The following RORA variants were observed in gnomAD, a reference collection of about 807,000 sequenced individuals.
RORA encodes RAR related orphan receptor A, also known as nuclear receptor ROR-alpha.
A neutral mutation model predicts 69.5 loss-of-function variants in RORA; 7 were observed. That is an observed-to-expected ratio of 0.10 (90% CI 0.06 to 0.19). The LOEUF (loss-of-function observed/expected upper bound fraction) is 0.19. Among genes scored for constraint, RORA ranks in the 10% least tolerant of loss-of-function variants. The pLI, the probability that RORA is intolerant of heterozygous loss-of-function variation, is 1.00. For missense variants in RORA, 457 were observed against 663.0 expected, an observed-to-expected ratio of 0.69 and a Z score of 3.41; for synonymous variants, 261 against 240.8, an observed-to-expected ratio of 1.08 and a Z score of -0.78.
intron 1 of RORA, among the ~76,000 whole-genome samples, chr15:60,837,464 C>A (rs2073132924): frequency 6.6e-6 from 1 of 152,212 alleles, no homozygotes; most frequent in Non-Finnish European, 1.5e-5. Context: ...ACACTGCCAA[C>A]CTCACCCCTC....
chr15:60,946,930 G>T (rs919836843), intron 1 of RORA, among the ~76,000 whole-genome samples: 1 of 151,944 alleles, frequency 6.6e-6, no homozygotes, highest in Admixed American at 6.5e-5. Context: ...ACCCCGTCTG[G>T]GAGGTGAGGA....
At chr15:60,856,738 A>G (rs1475873262) in intron 1 of RORA, among the ~76,000 whole-genome samples, 1 of 152,214 alleles carries the variant, frequency 6.6e-6, no homozygotes, top group African/African-American at 2.4e-5. Flanking sequence ...TCTTTTCTGG[A>G]CAGGGAACGC....
chr15:60,627,415 T>A, intron 2 of RORA: 2 of 1,612,900 alleles, frequency 1.2e-6, no homozygotes, highest in Non-Finnish European at 1.7e-6. Flanking sequence ...AAACTGGGGC[T>A]GTGCTTTGCC....
At chr15:60,857,443 TC>T (rs1333493454) in intron 1 of RORA, among the ~76,000 whole-genome samples, 7 of 152,000 alleles carry the variant, frequency 4.6e-5, no homozygotes, top group Non-Finnish European at 7.4e-5. Flanking sequence ...GAACACCCCA[TC>T]CACACAACAC....
intron 1 of RORA, among the ~76,000 whole-genome samples, chr15:60,712,315 G>T (rs1420644135): frequency 6.6e-6 from 1 of 152,082 alleles, no homozygotes; most frequent in African/African-American, 2.4e-5. Context: ...GGTGTGTTTT[G>T]TTGAATATAG....
intron 2 of RORA, among the ~76,000 whole-genome samples, chr15:60,604,360 T>G (rs180774883): frequency 6.6e-6 from 1 of 152,270 alleles, no homozygotes; most frequent in Admixed American, 6.5e-5. Context: ...TTAGTGAGTA[T>G]GCAAATTTGT....
intron 1 of RORA, among the ~76,000 whole-genome samples, chr15:61,098,667 A>C (rs2078833917): frequency 6.6e-6 from 1 of 152,130 alleles, no homozygotes; most frequent in South Asian, 2.1e-4. Flanking sequence ...TCAAGCTGTA[A>C]AGGGCTTCCA....
chr15:60,741,913 C>T (rs993653832), intron 1 of RORA, among the ~76,000 whole-genome samples: 4 of 152,158 alleles, frequency 2.6e-5, no homozygotes, highest in African/African-American at 9.7e-5. Context: ...CCTTGGGAAG[C>T]AACATGCCAC....
At chr15:60,514,880 T>C (rs1462071408) in intron 3 of RORA, 123 bp from the exon 4 acceptor site, 1 of 700,828 alleles carries the variant, frequency 1.4e-6, no homozygotes, top group Non-Finnish European at 2.3e-6. Context: ...TGTAGCAGAA[T>C]CATCCAGGAG....
chr15:60,864,461 C>T (rs7170782), intron 1 of RORA, among the ~76,000 whole-genome samples: 137,521 of 151,860 alleles, frequency 0.91, 63,199 homozygotes, highest in East Asian at 1. Flanking sequence ...ACACAGCAAA[C>T]GTCCTTTCAT....
intron 1 of RORA, among the ~76,000 whole-genome samples, chr15:60,680,136 C>A (rs7181663): frequency 0.032 from 4,822 of 152,260 alleles, 251 homozygotes; most frequent in African/African-American, 0.11. Context: ...ATTTGCAACT[C>A]CAGCTCATGA....
intron 1 of RORA, among the ~76,000 whole-genome samples, chr15:60,742,227 T>C (rs142764407): frequency 1.5e-3 from 228 of 152,320 alleles, no homozygotes; most frequent in African/African-American, 5.4e-3. Context: ...TTTTAAAAAG[T>C]GAAAATAACT....
At chr15:61,125,772 T>C (rs1596010308) in intron 1 of RORA, among the ~76,000 whole-genome samples, 2 of 152,334 alleles carry the variant, frequency 1.3e-5, no homozygotes, top group East Asian at 3.9e-4. Context: ...AAAAGTCCTA[T>C]TTTCCACCAA....
At chr15:61,163,886 A>T (rs1244885628) in intron 1 of RORA, among the ~76,000 whole-genome samples, 1 of 152,240 alleles carries the variant, frequency 6.6e-6, no homozygotes, top group Non-Finnish European at 1.5e-5. Flanking sequence ...ACATAGAGAA[A>T]CCTAAGCTTG....
chr15:60,951,995 A>G (rs1003693271), intron 1 of RORA, among the ~76,000 whole-genome samples: 273 of 150,102 alleles, frequency 1.8e-3, no homozygotes, highest in African/African-American at 6.1e-3. Flanking sequence ...CAAAAAAGAG[A>G]ATTTTAGACC....
Position 61,034,788 on chromosome 15 carries a change from C to CAAAAAAAAAAAAAAAAAA in RORA, c.166+194247_166+194264dup, listed in dbSNP as rs33933996. On this transcript the variant is annotated intron_variant, in intron 1 of 10. Coordinates refer to ENST00000335670, the MANE Select transcript of RORA (RefSeq NM_134261.3). ...TGATTCCACTAAAAACATCACAGAC[C>CAAAAAAAAAAAAAAAAAA]AAAAAAAAAAAAAAAAAAAAAAATC... Among the ~76,000 whole-genome samples the CAAAAAAAAAAAAAAAAAA allele has an allele frequency of 7.2e-5, 6 of 83,006 alleles. 2 individuals carry two copies. Among genetic ancestry groups the CAAAAAAAAAAAAAAAAAA allele is most frequent in the Non-Finnish European group, 1.2e-4 (5 of 41,424 alleles). The allele number at this position is 83,006 out of a possible 152,430, so 54.5% of individuals were successfully genotyped here.
At chr15:60,790,387 C>A (rs1178499756) in intron 1 of RORA, among the ~76,000 whole-genome samples, 2 of 152,172 alleles carry the variant, frequency 1.3e-5, no homozygotes, top group Non-Finnish European at 2.9e-5. Flanking sequence ...AAGGGAAGTG[C>A]ACCAGGAGAA....
chr15:60,731,067 T>C (rs2140837283), intron 1 of RORA, among the ~76,000 whole-genome samples: 1 of 152,284 alleles, frequency 6.6e-6, no homozygotes, highest in South Asian at 2.1e-4. Context: ...TCACTGCCTC[T>C]TAATAATAAT....
chr15:61,045,611 G>C (rs1896980872), intron 1 of RORA, among the ~76,000 whole-genome samples: 1 of 152,064 alleles, frequency 6.6e-6, no homozygotes, highest in African/African-American at 2.4e-5. Context: ...TCCAAGGGGT[G>C]TACCAGGTAT....
Sources: gnomAD v4.1 joint callset for allele counts (sites outside exome capture counted in the v4.1 genomes callset) on GRCh38, gnomAD v4.1.1 for gene constraint, MANE v1.5 for transcripts, NCBI Gene and HGNC (gene_info 2026-07-23, HGNC 2026-07-21) for gene names.